ENOSF1: variants seen among roughly 807,000 people sequenced by gnomAD.
ENOSF1 encodes mitochondrial enolase superfamily member 1.
A neutral mutation model predicts 68.2 loss-of-function variants in ENOSF1; 73 were observed. The observed-to-expected ratio is 1.07, with a 90% CI of 0.89 to 1.30. The LOEUF (loss-of-function observed/expected upper bound fraction) is 1.30, where lower values mean the gene tolerates loss of function less well. Ranked by LOEUF, ENOSF1 falls within the 50% of genes most tolerant of loss-of-function variation. The pLI, the probability that ENOSF1 is intolerant of heterozygous loss-of-function variation, is 0.00. For missense variants in ENOSF1, 589 were observed against 554.5 expected (o/e 1.06, Z -0.62); for synonymous variants, 223 against 210.4 (o/e 1.06, Z -0.52).
In ENOSF1 at chr18:694,254, C is replaced by T. The variant is rs1270856829; in HGVS notation, c.390G>A (p.Glu130=). Residue 130 remains glutamate (E), a synonymous_variant, in exon 4 of 16, where the codon GAG becomes GAA. Coordinates refer to ENST00000647584, the MANE Select transcript of ENOSF1 (RefSeq NM_017512.7). The part of the protein sequence containing the change: ...NAVWDLWAKQ[E]GKPVWKLLVD... Reference sequence around the variant, plus strand: ...CGTTTGTGAGAGGGGTTACCTTTCCCTCCTGCTTGGCCCACAAGTCCCACA... The same window carrying T: ...CGTTTGTGAGAGGGGTTACCTTTCCTTCCTGCTTGGCCCACAAGTCCCACA... The T allele has an allele frequency of 1.9e-6, 3 of 1,614,150 alleles. No individual in the cohort carries two copies. The highest frequency in any genetic ancestry group is 2.5e-6 in the Non-Finnish European group (3 of 1,180,020).
intron 9 of ENOSF1, chr18:686,252 G>T: frequency 4.3e-6 from 2 of 464,870 alleles, no homozygotes; most frequent in Non-Finnish European, 7.6e-6. Context: ...GCTAGACAGG[G>T]AAGTCAGGTC....
chr18:696,946 ATC>A (rs2077794100), intron 3 of ENOSF1, among the ~76,000 whole-genome samples: 1 of 152,008 alleles, frequency 6.6e-6, no homozygotes, highest in African/African-American at 2.4e-5. Context: ...GTCAAACCCC[ATC>A]TCTACTAAAA....
chr18:688,123 C>T (rs11873773), intron 9 of ENOSF1: 2,972 of 155,050 alleles, frequency 0.019, 93 homozygotes, highest in African/African-American at 0.067. Flanking sequence ...GCCGAGATTG[C>T]GCCACTGCAC....
chr18:679,305 G>A (rs2075847512), intron 11 of ENOSF1, among the ~76,000 whole-genome samples: 2 of 151,002 alleles, frequency 1.3e-5, no homozygotes, highest in South Asian at 4.2e-4. Flanking sequence ...CACCCCCCAG[G>A]CTGAAGCGAT....
In ENOSF1 at chr18:691,111, A is replaced by G. The variant is rs375389215; in HGVS notation, c.497-5T>C. 1.5e-5 allele frequency: 24 copies of G among 1,613,894 alleles called. No homozygotes were observed. The African/African-American group carries it at 3.2e-4, about 22-fold the overall frequency. ...TTTGACCTTTCTGCAGTATTTCTGG[A>G]AGAAATAAAAAGCATCACTCACTCT... On this transcript the variant is annotated splice_region_variant and splice_polypyrimidine_tract_variant and intron_variant, in intron 6 of 15. Coordinates refer to ENST00000647584, the MANE Select transcript of ENOSF1 (RefSeq NM_017512.7).
downstream of ENOSF1, among the ~76,000 whole-genome samples, chr18:666,921 A>ATGGTGATGGT (rs2074832063): frequency 6.0e-5 from 2 of 33,482 alleles, no homozygotes; most frequent in Non-Finnish European, 5.9e-5. Context: ...ATGGTGATGG[A>ATGGTGATGGT]GATGGTGATG....
At chr18:684,205 C>T (rs939461322) in intron 10 of ENOSF1, among the ~76,000 whole-genome samples, 1 of 151,856 alleles carries the variant, frequency 6.6e-6, no homozygotes, top group South Asian at 2.1e-4. Flanking sequence ...CCATGTTAGC[C>T]AGGATGGTCT....
chr18:694,462 C>T (rs535511007), intron 3 of ENOSF1, 128 bp from the exon 4 acceptor site: 21 of 779,102 alleles, frequency 2.7e-5, no homozygotes, highest in Non-Finnish European at 4.3e-5. Context: ...GAAACCCCGT[C>T]TCTACTGAAA....
At chr18:680,520 ATC>A (rs1016803490) in intron 11 of ENOSF1, among the ~76,000 whole-genome samples, 2 of 151,712 alleles carry the variant, frequency 1.3e-5, no homozygotes, top group Non-Finnish European at 2.9e-5. Flanking sequence ...CTCTCCCTTT[ATC>A]TCTCTCAGAT....
rs1221341716 is a variant in ENOSF1, at chr18:693,644, T to C, written c.423+238A>G. The C allele has an allele frequency of 3.0e-6, 3 of 985,260 alleles. No homozygotes were observed. In the East Asian group the frequency reaches 3.4e-4, roughly 112 times the overall value. 61.0% of individuals were successfully genotyped at this position (985,260 alleles called of 1,614,324 possible). ...GGCACCGTGTGTTACACATGCACAG[T>C]GGGGGAGGCAGGACCCCCTCACTGC... On this transcript the variant is annotated intron_variant, in intron 5 of 15. Transcript: ENST00000647584.
chr18:694,582 C>T (rs1194269077), intron 3 of ENOSF1, among the ~76,000 whole-genome samples: 2 of 150,290 alleles, frequency 1.3e-5, no homozygotes, highest in South Asian at 2.1e-4. Context: ...GAGCCAAGAT[C>T]GCACCACTAC....
chr18:670,783 G>C lies in ENOSF1; in HGVS notation c.*3522C>G. 6.2e-7 allele frequency: 1 copy of C among 1,614,098 alleles called. No individual in the cohort carries two copies. The highest frequency in any genetic ancestry group is 1.1e-5 in the South Asian group (1 of 91,074). On this transcript the variant is annotated 3_prime_UTR_variant, in exon 16 of 16. Transcript: ENST00000647584. ...TGTCCTGCCAGCTGTACCAGAGATCGGGAGACATGGGCCTCGGTGTGCCTT... is the reference window on the plus strand; with the variant it reads ...TGTCCTGCCAGCTGTACCAGAGATCCGGAGACATGGGCCTCGGTGTGCCTT...
chr18:701,411 C>T (rs752144362), intron 2 of ENOSF1, among the ~76,000 whole-genome samples: 14 of 151,518 alleles, frequency 9.2e-5, no homozygotes, highest in Non-Finnish European at 2.1e-4. Flanking sequence ...TTTGTAACTT[C>T]CATTCAGTTT....
Position 673,229 on chromosome 18 carries a change from G to GT in ENOSF1, c.*1075dup. On this transcript the variant is annotated 3_prime_UTR_variant, in exon 16 of 16. Transcript: ENST00000647584. The stretch of plus-strand genomic sequence containing the variant: ...ACTGAGGGTATCTGACAATGCTGAG[G>GT]TTATGAACAAAGTGAGGAGAATGAA... 2.7e-6 allele frequency: 1 copy of GT among 373,208 alleles called. No individual in the cohort carries two copies. Among genetic ancestry groups the GT allele is most frequent in the Non-Finnish European group, 4.8e-6 (1 of 209,034 alleles). 23.1% of individuals were successfully genotyped at this position (373,208 alleles called of 1,614,324 possible). A position where few individuals can be genotyped will look rare whatever the true frequency, so the allele number is the denominator to read the frequency against.
chr18:667,149 T>A (rs287602), downstream of ENOSF1, among the ~76,000 whole-genome samples: 183 of 68,020 alleles, frequency 2.7e-3, no homozygotes, highest in African/African-American at 5.5e-3. Context: ...ATGGTGATGG[T>A]GATGGTGATG....
At chr18:680,671 G>GTTCT (rs2075982422) in intron 11 of ENOSF1, among the ~76,000 whole-genome samples, 1 of 135,156 alleles carries the variant, frequency 7.4e-6, no homozygotes, top group African/African-American at 2.9e-5. Context: ...TCACTATGCT[G>GTTCT]TTGTGTTTTT....
chr18:667,571 A>C (rs2847611), downstream of ENOSF1: 78 of 27,966 alleles, frequency 2.8e-3, 11 homozygotes, highest in African/African-American at 0.02. Flanking sequence ...ATGGTGATGG[A>C]GATGGTGATG....
chr18:664,583 C>T, the ENOSF1 span, among the ~76,000 whole-genome samples: 1 of 134,434 alleles, frequency 7.4e-6, no homozygotes, highest in Non-Finnish European at 1.6e-5. Flanking sequence ...AGAGGGCATC[C>T]CTGTCTTGTG....
chr18:691,203 C>T lies in ENOSF1; in HGVS notation c.496+1G>A. The T allele has an allele frequency of 6.2e-7, 1 of 1,614,126 alleles. No individual in the cohort carries two copies. The highest frequency in any genetic ancestry group is 1.1e-5 in the South Asian group (1 of 91,082). ...GTATCCCAGAAAGCTTCCAAACTCA[C>T]CTAGGGCATCCTCCTCAGTCAGGAC... is the stretch of plus-strand genomic sequence containing the variant. On this transcript the variant is annotated splice_donor_variant, in intron 6 of 15. Transcript: ENST00000647584. LOFTEE classifies it high-confidence loss of function.
Sources: allele counts gnomAD v4.1 joint callset (sites outside exome capture counted in the v4.1 genomes callset), GRCh38; gene constraint gnomAD v4.1.1; transcripts MANE v1.5; gene names NCBI Gene and HGNC (gene_info 2026-07-23, HGNC 2026-07-21).